ADAM21: variants seen among roughly 807,000 people sequenced by gnomAD.
ADAM21 encodes the protein ADAM metallopeptidase domain 21, also known as disintegrin and metalloproteinase domain-containing protein 21.
For synonymous variants in ADAM21, 262 were observed against 306.0 expected, an observed-to-expected ratio of 0.86 and a Z score of 1.50; for missense variants, 678 against 874.4, an observed-to-expected ratio of 0.78 and a Z score of 2.83.
At position 70,458,986 on chromosome 14, in the gene ADAM21, G is replaced by A. The variant is rs757723976; in HGVS notation, c.1487G>A (p.Cys496Tyr). ...EDRYVQDGIP[C>Y]SDSAYCYQKR... is the part of the protein sequence containing the mutation. The stretch of plus-strand genomic sequence containing the variant: ...AGATATGTGCAGGACGGGATCCCCT[G>A]TAGTGACAGTGCCTACTGCTATCAA... The change falls in exon 2 of 2, where the codon TGT becomes TAT. Residue 496 changes from cysteine (C) to tyrosine (Y), a missense_variant. By Grantham distance (194) the Cys-to-Tyr change is radical (BLOSUM62 -2). Transcript: ENST00000603540. 6.8e-6 allele frequency: 11 copies of A among 1,614,134 alleles called. No homozygotes were observed. The highest frequency in any genetic ancestry group is 2.7e-5 in the African/African-American group (2 of 75,024).
Position 70,458,775 on chromosome 14 carries a change from C to G in ADAM21, c.1276C>G (p.Gln426Glu). ...AGAGCAGTGTGACTGTGGATCCGTA[C>G]AGCAGTGTGAACAAGACGCCTGTTG... ...REEQCDCGSV[Q>E]QCEQDACCLL... is the part of the protein sequence containing the mutation. The change falls in exon 2 of 2, where the codon CAG becomes GAG. Residue 426 changes from glutamine (Q) to glutamate (E), a missense_variant. Gln to Glu is a conservative substitution (Grantham distance 29). Transcript: ENST00000603540. 1 of 1,614,158 alleles carries G rather than the reference C, an allele frequency of 6.2e-7. No individual in the cohort carries two copies.
chr14:70,458,279 T>C lies in ADAM21; in HGVS notation c.780T>C (p.Ile260=), dbSNP rs777328699. 20 of 1,613,956 alleles carry C rather than the reference T, an allele frequency of 1.2e-5. No homozygotes were observed. The East Asian group carries it at 4.5e-4, about 36-fold the overall frequency. ...ACATAATTTTGATTGGAATTGAAAT[T>C]TGGAATCAAGGAAATGTTTTCCCAA... ...GTYIILIGIE[I]WNQGNVFPMT... Residue 260 remains isoleucine (I), a synonymous_variant, in exon 2 of 2, where the codon ATT becomes ATC. Coordinates refer to ENST00000603540, the MANE Select transcript of ADAM21 (RefSeq NM_003813.4).
intron 1 of ADAM21, among the ~76,000 whole-genome samples, chr14:70,456,653 A>AT (rs2139484441): frequency 6.6e-6 from 1 of 152,274 alleles, no homozygotes; most frequent in South Asian, 2.1e-4. Context: ...TGTTTCATGA[A>AT]TTTTCTTTTC....
rs1459381058 is a variant in ADAM21, at chr14:70,457,483, A to C, written c.-17A>C. On this transcript the variant is annotated 5_prime_UTR_variant, in exon 2 of 2. Transcript: ENST00000603540. ...TCTTCTGCTCTGGACAGATGGCTCC[A>C]TAACGACAGCTTCATAATGGCAGTG... The C allele has an allele frequency of 6.2e-7, 1 of 1,607,508 alleles. No individual in the cohort carries two copies. The highest frequency in any genetic ancestry group is 1.3e-5 in the African/African-American group (1 of 74,640).
At position 70,459,250 on chromosome 14, in the gene ADAM21, A is replaced by G; in HGVS notation, c.1751A>G (p.His584Arg). 1.2e-6 allele frequency: 2 copies of G among 1,614,158 alleles called. No individual in the cohort carries two copies. The highest frequency in any genetic ancestry group is 1.7e-6 in the Non-Finnish European group (2 of 1,180,028). The stretch of plus-strand genomic sequence containing the variant: ...GATCATTTTACTTTGCAGCACACTC[A>G]TATCAATGGTGTCACCTGCTGGGGT... The part of the protein sequence containing the change: ...LQDHFTLQHT[H>R]INGVTCWGID... The change falls in exon 2 of 2, where the codon CAT becomes CGT. Residue 584 changes from histidine to arginine, a missense_variant. His to Arg is a conservative substitution (Grantham distance 29, BLOSUM62 0). Coordinates refer to ENST00000603540, the MANE Select transcript of ADAM21 (RefSeq NM_003813.4).
rs1443926333 is a variant in ADAM21 at position 70,459,436 on chromosome 14, A to G, written c.1937A>G (p.Asn646Ser). Residue 646 changes from asparagine (N) to serine (S), a missense_variant, in exon 2 of 2, where the codon AAT becomes AGT. Asn to Ser is a conservative substitution (Grantham distance 46). Coordinates refer to ENST00000603540, the MANE Select transcript of ADAM21 (RefSeq NM_003813.4). ...PETCNMKGIC[N>S]NKHHCHCGYG... ...ACCTGCAATATGAAGGGGATCTGCA[A>G]TAACAAACATCACTGCCACTGTGGC... The G allele has an allele frequency of 9.3e-6, 15 of 1,614,226 alleles. No homozygotes were observed. The highest frequency in any genetic ancestry group is 1.3e-5 in the Non-Finnish European group (15 of 1,180,032).
chr14:70,457,094 T>A (rs1030985600), intron 1 of ADAM21, among the ~76,000 whole-genome samples: 2 of 152,170 alleles, frequency 1.3e-5, no homozygotes, highest in Non-Finnish European at 2.9e-5. Context: ...TGCTTTTACT[T>A]TTTATTATGG....
At chr14:70,455,551 A>G (rs1889092406) in intron 1 of ADAM21, among the ~76,000 whole-genome samples, 1 of 152,198 alleles carries the variant, frequency 6.6e-6, no homozygotes, top group African/African-American at 2.4e-5. Context: ...CACCATAAAC[A>G]TCACAAAATT....
chr14:70,457,865 G>C lies in ADAM21; in HGVS notation c.366G>C (p.Leu122=). Residue 122 remains leucine (L), a synonymous_variant, in exon 2 of 2, where the codon CTG becomes CTC. Coordinates refer to ENST00000603540, the MANE Select transcript of ADAM21 (RefSeq NM_003813.4). ...HGYVEAAPES[L]VVFSACFGGF... ...ACGTGGAGGCAGCCCCTGAGTCTCT[G>C]GTTGTGTTCAGTGCTTGTTTTGGGG... 2 of 1,613,820 alleles carry C rather than the reference G, an allele frequency of 1.2e-6. No homozygotes were observed. The highest frequency in any genetic ancestry group is 1.7e-4 in the Middle Eastern group (1 of 6,060).
intron 1 of ADAM21, among the ~76,000 whole-genome samples, chr14:70,456,956 G>C (rs909456800): frequency 6.6e-6 from 1 of 152,134 alleles, no homozygotes; most frequent in African/African-American, 2.4e-5. Context: ...GATTATTTTT[G>C]ATGTCTCCAG....
chr14:70,459,526 C>T lies in ADAM21; in HGVS notation c.2027C>T (p.Ala676Val), dbSNP rs1882492777. Residue 676 changes from alanine to valine, a missense_variant, in exon 2 of 2, where the codon GCA becomes GTA. Coordinates refer to ENST00000603540, the MANE Select transcript of ADAM21 (RefSeq NM_003813.4). ...GYGGSIDSGPASAKRGVFLPL... is the reference protein window; with the variant it reads ...GYGGSIDSGPVSAKRGVFLPL... ...GGGGGCAGTATTGACAGTGGCCCAG[C>T]ATCTGCAAAGAGAGGAGTTTTTTTG... 3 of 1,614,068 alleles carry T rather than the reference C, an allele frequency of 1.9e-6. No homozygotes were observed. In the Admixed American group the frequency reaches 5.0e-5, roughly 27 times the overall value.
intron 1 of ADAM21, 121 bp downstream of exon 1, chr14:70,452,384 G>A (rs573680784): frequency 8.2e-4 from 126 of 153,882 alleles, no homozygotes; most frequent in Non-Finnish European, 1.4e-3. Flanking sequence ...TGTTTGTTTT[G>A]AGATGGAGTC....
In ADAM21 at chr14:70,459,333, G is replaced by C. The variant is rs140682659; in HGVS notation, c.1834G>C (p.Val612Leu). 2.9e-4 allele frequency: 476 copies of C among 1,614,222 alleles called. No homozygotes were observed. The highest frequency in any genetic ancestry group is 3.7e-4 in the Non-Finnish European group (440 of 1,180,036). The change falls in exon 2 of 2, where the codon GTG becomes CTG. Residue 612 changes from valine (V) to leucine (L), a missense_variant. Val to Leu is a conservative substitution (Grantham distance 32). Transcript: ENST00000603540. ...SDIGEVKDGTVCGPGKICIHK... is the reference protein window; with the variant it reads ...SDIGEVKDGTLCGPGKICIHK... ...CATTGGTGAAGTGAAAGATGGTACT[G>C]TGTGTGGCCCAGGAAAGATCTGCAT...
At chr14:70,454,648 G>T (rs1889081307) in intron 1 of ADAM21, among the ~76,000 whole-genome samples, 1 of 152,142 alleles carries the variant, frequency 6.6e-6, no homozygotes, top group Non-Finnish European at 1.5e-5. Context: ...AATTTTTTGT[G>T]TGTTGACAAG....
In ADAM21 at chr14:70,457,868, T is replaced by G; in HGVS notation, c.369T>G (p.Val123=). 1 of 1,613,928 alleles carries G rather than the reference T, an allele frequency of 6.2e-7. No homozygotes were observed. Among genetic ancestry groups the G allele is most frequent in the South Asian group, 1.1e-5 (1 of 91,046 alleles). ...GYVEAAPESL[V]VFSACFGGFR... is the part of the protein sequence containing the mutation. ...TGGAGGCAGCCCCTGAGTCTCTGGT[T>G]GTGTTCAGTGCTTGTTTTGGGGGCT... Residue 123 remains valine (V), a synonymous_variant, in exon 2 of 2, where the codon GTT becomes GTG. Transcript: ENST00000603540.
At chr14:70,457,014 A>T (rs1420356389) in intron 1 of ADAM21, among the ~76,000 whole-genome samples, 1 of 152,254 alleles carries the variant, frequency 6.6e-6, no homozygotes, top group East Asian at 1.9e-4. Context: ...CAAGGGCAAC[A>T]GGCATAAACT....
At chr14:70,453,143 G>T (rs950222811) in intron 1 of ADAM21, among the ~76,000 whole-genome samples, 12 of 152,204 alleles carry the variant, frequency 7.9e-5, no homozygotes, top group Admixed American at 3.9e-4. Flanking sequence ...GGCACTGTGT[G>T]TGCAAGGTTG....
chr14:70,459,324 G>T lies in ADAM21; in HGVS notation c.1825G>T (p.Asp609Tyr), dbSNP rs1882487007. 7 of 1,614,116 alleles carry T rather than the reference G, an allele frequency of 4.3e-6. No homozygotes were observed. The highest frequency in any genetic ancestry group is 1.3e-5 in the African/African-American group (1 of 74,930). Residue 609 changes from aspartate to tyrosine, a missense_variant, in exon 2 of 2, where the codon GAT becomes TAT. By Grantham distance (160) the Asp-to-Tyr change is radical (BLOSUM62 -3). Coordinates refer to ENST00000603540, the MANE Select transcript of ADAM21 (RefSeq NM_003813.4). ...MNISDIGEVK[D>Y]GTVCGPGKIC... ...CATATCTGACATTGGTGAAGTGAAAGATGGTACTGTGTGTGGCCCAGGAAA... is the reference window on the plus strand; with the variant it reads ...CATATCTGACATTGGTGAAGTGAAATATGGTACTGTGTGTGGCCCAGGAAA...
intron 1 of ADAM21, among the ~76,000 whole-genome samples, chr14:70,455,618 C>T (rs1299651212): frequency 2.0e-5 from 3 of 152,070 alleles, no homozygotes; most frequent in Non-Finnish European, 4.4e-5. Flanking sequence ...GATACCTTTT[C>T]CCTATAGTTT....
Sources: allele counts gnomAD v4.1 joint callset (sites outside exome capture counted in the v4.1 genomes callset), GRCh38; gene constraint gnomAD v4.1.1; transcripts MANE v1.5; gene names NCBI Gene and HGNC (gene_info 2026-07-23, HGNC 2026-07-21).